CHST8: variants seen among roughly 807,000 people sequenced by gnomAD.
The protein encoded by CHST8 is carbohydrate sulfotransferase 8.
CHST8 carries 10 observed loss-of-function variants against 15.0 expected under a neutral mutation model. The ratio of observed to expected loss-of-function variants is 0.67; its 90% confidence interval spans 0.41 to 1.13. CHST8 has a LOEUF of 1.13. Among genes scored for constraint, CHST8 ranks in the 50% most tolerant of loss-of-function variants. The pLI, the probability that CHST8 is intolerant of heterozygous loss-of-function variation, is 0.00. For missense variants in CHST8, 634 were observed against 608.2 expected, an observed-to-expected ratio of 1.04 and a Z score of -0.45; for synonymous variants, 259 against 256.6, an observed-to-expected ratio of 1.01 and a Z score of -0.09.
intron 4 of CHST8, among the ~76,000 whole-genome samples, 166 bp downstream of exon 4, chr19:33,771,616 A>T (rs1030492128): frequency 1.3e-5 from 2 of 152,112 alleles, no homozygotes; most frequent in Non-Finnish European, 1.5e-5. Context: ...TGGACCCATG[A>T]ATTTTCCCTT....
chr19:33,732,347 G>A (rs771070849), intron 3 of CHST8, among the ~76,000 whole-genome samples: 15 of 152,040 alleles, frequency 9.9e-5, no homozygotes, highest in Non-Finnish European at 2.1e-4. Flanking sequence ...CTGACCACCT[G>A]GAGTTAGCAC....
chr19:33,687,893 G>C (rs1472099640), intron 2 of CHST8, among the ~76,000 whole-genome samples: 1 of 152,132 alleles, frequency 6.6e-6, no homozygotes, highest in Non-Finnish European at 1.5e-5. Flanking sequence ...TCCTTGGGCC[G>C]AGCAGCATAT....
At chr19:33,694,766 G>A (rs1973178340) in intron 3 of CHST8, among the ~76,000 whole-genome samples, 1 of 152,136 alleles carries the variant, frequency 6.6e-6, no homozygotes, top group Admixed American at 6.5e-5. Context: ...TTTTAGTAGA[G>A]ACGGGGTTTT....
intron 1 of CHST8, among the ~76,000 whole-genome samples, chr19:33,628,480 G>C (rs1437550305): frequency 6.6e-6 from 1 of 152,214 alleles, no homozygotes; most frequent in Non-Finnish European, 1.5e-5. Context: ...CATTGGTCTG[G>C]TCCATCAGGC....
At chr19:33,686,376 C>T (rs1182304163) in intron 2 of CHST8, among the ~76,000 whole-genome samples, 2 of 152,124 alleles carry the variant, frequency 1.3e-5, no homozygotes, top group African/African-American at 4.8e-5. Context: ...GGTTCAGAAA[C>T]AAGTGAGGAC....
chr19:33,757,510 GAAAGAAAGAA>G lies in CHST8; in HGVS notation c.131-13901_131-13892del, dbSNP rs1568358715. On this transcript the variant is annotated intron_variant, in intron 3 of 4. Transcript: ENST00000650847. ...AGAAAGAAAGAAAGAAAGAAAGAAA[GAAAGAAAGAA>G]AGAGAAAGAAAGAAAGAAAGAAAGA... Among the ~76,000 whole-genome samples, 2 of 48,978 alleles carry G rather than the reference GAAAGAAAGAA, an allele frequency of 4.1e-5. 1 individual carries two copies. 32.1% of individuals were successfully genotyped at this position (48,978 alleles called of 152,430 possible). A position where few individuals can be genotyped will look rare whatever the true frequency, so the allele number is the denominator to read the frequency against.
In CHST8 at chr19:33,771,452, T is replaced by A; in HGVS notation, c.168+2T>A. ...ATCAGGCCAAGGCAGCCCCACCACG[T>A]AAGTTCTGAGAGTCAGATAAATCTC... On this transcript the variant is annotated splice_donor_variant, in intron 4 of 4. Transcript: ENST00000650847. LOFTEE classifies it high-confidence loss of function. 2 of 1,614,044 alleles carry A rather than the reference T, an allele frequency of 1.2e-6. No homozygotes were observed. Among genetic ancestry groups the A allele is most frequent in the Non-Finnish European group, 1.7e-6 (2 of 1,179,946 alleles).
chr19:33,696,600 CAATA>C (rs1973221438), intron 3 of CHST8, among the ~76,000 whole-genome samples: 1 of 152,038 alleles, frequency 6.6e-6, no homozygotes, highest in Non-Finnish European at 1.5e-5. Flanking sequence ...ATAAAGTGCA[CAATA>C]AATGTAACGT....
chr19:33,736,836 G>C (rs1167623789), intron 3 of CHST8, among the ~76,000 whole-genome samples: 2 of 152,126 alleles, frequency 1.3e-5, no homozygotes, highest in African/African-American at 4.8e-5. Flanking sequence ...GTGTGTCACT[G>C]CCATTCTGAG....
intron 3 of CHST8, among the ~76,000 whole-genome samples, chr19:33,737,838 A>C (rs1452953114): frequency 6.6e-6 from 1 of 152,128 alleles, no homozygotes; most frequent in South Asian, 2.1e-4. Flanking sequence ...TTCCCTCTGC[A>C]TTTGATAGCC....
At chr19:33,737,082 A>C (rs1056428090) in intron 3 of CHST8, among the ~76,000 whole-genome samples, 2 of 152,186 alleles carry the variant, frequency 1.3e-5, no homozygotes, top group East Asian at 3.8e-4. Context: ...TATGGTTTAA[A>C]AAGGGGAGGG....
intron 1 of CHST8, among the ~76,000 whole-genome samples, chr19:33,630,849 CTG>C (rs1972113164): frequency 6.6e-6 from 1 of 152,224 alleles, no homozygotes; most frequent in South Asian, 2.1e-4. Context: ...TCCATGTAGT[CTG>C]TGCTTGCCCC....
chr19:33,645,351 G>A (rs2145204775), intron 1 of CHST8, among the ~76,000 whole-genome samples: 1 of 152,308 alleles, frequency 6.6e-6, no homozygotes, highest in South Asian at 2.1e-4. Flanking sequence ...GAAGTGCAAT[G>A]ATTGAAATTA....
At position 33,689,312 on chromosome 19, in the gene CHST8, C is replaced by T; in HGVS notation, c.51C>T (p.Ile17=). 3 of 1,609,748 alleles carry T rather than the reference C, an allele frequency of 1.9e-6. No homozygotes were observed. Among genetic ancestry groups the T allele is most frequent in the Non-Finnish European group, 2.5e-6 (3 of 1,178,584 alleles). ...GGCTGGCCTGCATGTTCTCTTCCAT[C>T]CTGCTGTTCGGAGCTGCAGGCCTCC... ...TMRLACMFSS[I]LLFGAAGLLL... The change falls in exon 3 of 5, where the codon ATC becomes ATT. Residue 17 remains isoleucine, a synonymous_variant. Transcript: ENST00000650847.
At chr19:33,628,961 T>C (rs1221177139) in intron 1 of CHST8, among the ~76,000 whole-genome samples, 1 of 152,184 alleles carries the variant, frequency 6.6e-6, no homozygotes. Flanking sequence ...GCCAGGCTGC[T>C]GGTTGTGTGG....
chr19:33,662,226 C>T (rs989584474), intron 1 of CHST8, among the ~76,000 whole-genome samples: 28 of 152,072 alleles, frequency 1.8e-4, no homozygotes, highest in African/African-American at 6.0e-4. Context: ...CTAAGACGCG[C>T]GCCACCATGC....
intron 3 of CHST8, among the ~76,000 whole-genome samples, chr19:33,752,720 AT>A (rs2145358932): frequency 6.6e-6 from 1 of 152,330 alleles, no homozygotes; most frequent in African/African-American, 2.4e-5. Context: ...CCAAGACAGC[AT>A]ATTTTATCGT....
At chr19:33,642,078 G>T (rs1412612733) in intron 1 of CHST8, among the ~76,000 whole-genome samples, 4 of 152,234 alleles carry the variant, frequency 2.6e-5, no homozygotes, top group African/African-American at 9.6e-5. Flanking sequence ...CCTGGAAAGG[G>T]ACAGGAACCA....
At chr19:33,734,503 G>A (rs1974048086) in intron 3 of CHST8, among the ~76,000 whole-genome samples, 1 of 152,194 alleles carries the variant, frequency 6.6e-6, no homozygotes, top group Non-Finnish European at 1.5e-5. Flanking sequence ...CAGCAATGGG[G>A]ACCCACACTG....
Sources: allele counts gnomAD v4.1 joint callset (sites outside exome capture counted in the v4.1 genomes callset), GRCh38; gene constraint gnomAD v4.1.1; transcripts MANE v1.5; gene names NCBI Gene and HGNC (gene_info 2026-07-23, HGNC 2026-07-21).